Variants in KHDRBS2 observed in about 807,000 individuals in gnomAD.
KHDRBS2 encodes KH RNA binding domain containing, signal transduction associated 2.
A neutral mutation model predicts 44.3 loss-of-function variants in KHDRBS2; 26 were observed. That is an observed-to-expected ratio of 0.59 (90% CI 0.43 to 0.81). The LOEUF (loss-of-function observed/expected upper bound fraction) is 0.81. KHDRBS2 is among the 40% of genes least tolerant of loss of function. The pLI, the probability that KHDRBS2 is intolerant of heterozygous loss-of-function variation, is 0.00. For missense variants in KHDRBS2, 476 were observed against 433.1 expected (o/e 1.10, Z -0.88); for synonymous variants, 194 against 151.1 (o/e 1.28, Z -2.08).
intron 2 of KHDRBS2, among the ~76,000 whole-genome samples, chr6:62,075,023 C>T (rs1796058002): frequency 6.6e-6 from 1 of 151,828 alleles, no homozygotes; most frequent in Non-Finnish European, 1.5e-5. Flanking sequence ...TATGTGTGTA[C>T]ACGTGAAATA....
At chr6:61,578,604 A>C in the KHDRBS2 span, among the ~76,000 whole-genome samples, 6 of 152,184 alleles carry the variant, frequency 3.9e-5, no homozygotes, top group Non-Finnish European at 8.8e-5. Flanking sequence ...TATAAAAACC[A>C]AATTGGATTC....
intron 6 of KHDRBS2, among the ~76,000 whole-genome samples, chr6:61,859,497 T>C (rs1796614252): frequency 6.6e-6 from 1 of 151,914 alleles, no homozygotes; most frequent in African/African-American, 2.4e-5. Context: ...CCCATTTATA[T>C]GGGGTTTGGG....
intron 1 of KHDRBS2, among the ~76,000 whole-genome samples, chr6:62,283,248 C>G (rs1451503553): frequency 1.3e-5 from 2 of 152,102 alleles, no homozygotes; most frequent in Admixed American, 1.3e-4. Context: ...ATTGAAAACA[C>G]ACAGCACAAA....
intron 3 of KHDRBS2, among the ~76,000 whole-genome samples, chr6:61,992,126 T>C (rs774969502): frequency 1.1e-4 from 17 of 152,184 alleles, no homozygotes; most frequent in Non-Finnish European, 1.5e-4. Flanking sequence ...AGAAAATATA[T>C]ACTGTTGCTA....
At chr6:61,606,177 T>A in the KHDRBS2 span, among the ~76,000 whole-genome samples, 1 of 152,314 alleles carries the variant, frequency 6.6e-6, no homozygotes, top group Admixed American at 6.5e-5. Flanking sequence ...TCGCTGAGTC[T>A]CTTTTCGGAC....
chr6:61,595,804 A>G, the KHDRBS2 span, among the ~76,000 whole-genome samples: 1 of 151,722 alleles, frequency 6.6e-6, no homozygotes, highest in East Asian at 1.9e-4. Flanking sequence ...TTAATAACTA[A>G]TGTTTTAGTA....
intron 4 of KHDRBS2, among the ~76,000 whole-genome samples, chr6:61,941,033 C>G (rs1455040513): frequency 6.6e-6 from 1 of 152,156 alleles, no homozygotes; most frequent in East Asian, 1.9e-4. Context: ...GGGGGTTGTC[C>G]TCCTGCCTAC....
chr6:61,906,785 T>A (rs183790159), intron 4 of KHDRBS2, among the ~76,000 whole-genome samples: 8 of 152,304 alleles, frequency 5.3e-5, no homozygotes, highest in African/African-American at 1.4e-4. Context: ...CATTTTCTTT[T>A]TTCATTCATC....
chr6:62,005,387 C>G (rs1399598946), intron 3 of KHDRBS2, among the ~76,000 whole-genome samples: 1 of 151,824 alleles, frequency 6.6e-6, no homozygotes, highest in Non-Finnish European at 1.5e-5. Flanking sequence ...CTGCAACACT[C>G]TCCAATTAAA....
intron 2 of KHDRBS2, among the ~76,000 whole-genome samples, chr6:62,152,374 G>C (rs1351947070): frequency 1.3e-5 from 2 of 152,052 alleles, no homozygotes; most frequent in Non-Finnish European, 2.9e-5. Context: ...TTTGTGTAAG[G>C]CTTGAGATAA....
chr6:61,932,968 C>G (rs1424458355), intron 4 of KHDRBS2, among the ~76,000 whole-genome samples: 1 of 152,014 alleles, frequency 6.6e-6, no homozygotes, highest in Non-Finnish European at 1.5e-5. Flanking sequence ...TTTTTTAACC[C>G]ATTCATCTAT....
intron 2 of KHDRBS2, among the ~76,000 whole-genome samples, chr6:62,103,109 C>A (rs1432026999): frequency 6.6e-6 from 1 of 152,108 alleles, no homozygotes; most frequent in Non-Finnish European, 1.5e-5. Flanking sequence ...AAAGTACCAT[C>A]CAACCAGCCA....
intron 6 of KHDRBS2, among the ~76,000 whole-genome samples, chr6:61,807,924 C>T (rs1382322363): frequency 6.6e-6 from 1 of 151,992 alleles, no homozygotes; most frequent in African/African-American, 2.4e-5. Flanking sequence ...AACAATCCAG[C>T]CATAAGACTC....
chr6:61,652,925 T>C, the KHDRBS2 span, among the ~76,000 whole-genome samples: 2 of 152,220 alleles, frequency 1.3e-5, no homozygotes, highest in East Asian at 3.9e-4. Context: ...AAAGTACCTT[T>C]GACTGCAAAG....
chr6:62,085,331 T>A (rs1798187025), intron 2 of KHDRBS2, among the ~76,000 whole-genome samples: 1 of 151,942 alleles, frequency 6.6e-6, no homozygotes, highest in Non-Finnish European at 1.5e-5. Context: ...GAAAAATATG[T>A]GGAGTGAGAT....
intron 6 of KHDRBS2, among the ~76,000 whole-genome samples, chr6:61,858,554 A>G (rs191768109): frequency 4.6e-5 from 7 of 152,084 alleles, no homozygotes; most frequent in Admixed American, 4.6e-4. Context: ...TTATTGCAAT[A>G]TAAGATCATC....
chr6:61,612,025 T>A, the KHDRBS2 span, among the ~76,000 whole-genome samples: 1 of 152,226 alleles, frequency 6.6e-6, no homozygotes, highest in African/African-American at 2.4e-5. Context: ...CTTGTATACA[T>A]GTGCATATAT....
intron 2 of KHDRBS2, among the ~76,000 whole-genome samples, chr6:62,105,341 T>A (rs1802939911): frequency 6.6e-6 from 1 of 152,178 alleles, no homozygotes; most frequent in Non-Finnish European, 1.5e-5. Flanking sequence ...CTTATGAACA[T>A]AAATTCAACA....
chr6:61,730,693 C>T (rs1186721517), intron 7 of KHDRBS2, among the ~76,000 whole-genome samples: 1 of 151,826 alleles, frequency 6.6e-6, no homozygotes, highest in African/African-American at 2.4e-5. Context: ...AATTTAGCTA[C>T]AAAAATTGAG....
Sources: gnomAD v4.1 joint callset for allele counts (sites outside exome capture counted in the v4.1 genomes callset) on GRCh38, gnomAD v4.1.1 for gene constraint, MANE v1.5 for transcripts, NCBI Gene and HGNC (gene_info 2026-07-23, HGNC 2026-07-21) for gene names.